The following FRRS1L variants were observed in gnomAD, a reference collection of about 807,000 sequenced individuals.
The protein encoded by FRRS1L is ferric chelate reductase 1 like.
A neutral mutation model predicts 28.6 loss-of-function variants in FRRS1L; 22 were observed. The ratio of observed to expected loss-of-function variants is 0.77; its 90% CI spans 0.55 to 1.10. The LOEUF (loss-of-function observed/expected upper bound fraction) is 1.10, where lower values mean the gene tolerates loss of function less well. Ranked by LOEUF, FRRS1L falls within the 50% of genes least tolerant of loss-of-function variation. FRRS1L has a pLI of 0.00. For synonymous variants in FRRS1L, 158 were observed against 151.4 expected, an observed-to-expected ratio of 1.04 and a Z score of -0.32; for missense variants, 380 against 386.9, an observed-to-expected ratio of 0.98 and a Z score of 0.15.
chr9:109,164,843 A>G (rs1831526957), intron 1 of FRRS1L, among the ~76,000 whole-genome samples: 2 of 152,190 alleles, frequency 1.3e-5, no homozygotes, highest in African/African-American at 4.8e-5. Context: ...TGATCACCTC[A>G]CCTAAATGCC....
chr9:109,159,895 G>C (rs369031300), intron 1 of FRRS1L, among the ~76,000 whole-genome samples: 6 of 152,130 alleles, frequency 3.9e-5, no homozygotes, highest in African/African-American at 1.4e-4. Flanking sequence ...CTGCCAGCCT[G>C]CATAATCATG....
intron 2 of FRRS1L, 27 bp downstream of exon 2, chr9:109,149,609 A>C (rs1831304749): frequency 6.7e-7 from 1 of 1,494,972 alleles, no homozygotes; most frequent in African/African-American, 1.4e-5. Flanking sequence ...TTAGCCTTAA[A>C]GTTATCCAAC....
intron 1 of FRRS1L, among the ~76,000 whole-genome samples, chr9:109,162,797 A>T (rs1034317051): frequency 1.3e-5 from 2 of 152,230 alleles, no homozygotes; most frequent in African/African-American, 4.8e-5. Context: ...GAAGATGACT[A>T]AACTTCTGCC....
intron 1 of FRRS1L, among the ~76,000 whole-genome samples, chr9:109,164,892 G>A (rs1831527875): frequency 6.6e-6 from 1 of 152,164 alleles, no homozygotes; most frequent in Non-Finnish European, 1.5e-5. Flanking sequence ...CCTACTTCAT[G>A]GCTTGACTCT....
intron 4 of FRRS1L, chr9:109,140,989 T>C (rs1180073504): frequency 1.5e-5 from 4 of 269,230 alleles, no homozygotes; most frequent in Non-Finnish European, 2.2e-5. Flanking sequence ...AGGACAATAA[T>C]ACCTATACCT....
chr9:109,142,005 C>T (rs1165564120), intron 3 of FRRS1L, among the ~76,000 whole-genome samples: 1 of 145,200 alleles, frequency 6.9e-6, no homozygotes, highest in Admixed American at 6.8e-5. Context: ...TACATGACAA[C>T]AAAATGCAGT....
Position 109,133,278 on chromosome 9 carries a change from A to G in FRRS1L, c.*4177T>C, listed in dbSNP as rs1377919071. On this transcript the variant is annotated 3_prime_UTR_variant, in exon 5 of 5. Coordinates refer to ENST00000561981, the MANE Select transcript of FRRS1L (RefSeq NM_014334.4). ...TATTTAAGTCTTGTTTGATCTGTGTATTAAACCTATTAAAAGAACTAAAAT... is the reference window on the plus strand; with the variant it reads ...TATTTAAGTCTTGTTTGATCTGTGTGTTAAACCTATTAAAAGAACTAAAAT... 2.0e-5 allele frequency: 3 copies of G among 152,358 alleles called. No homozygotes were observed. The East Asian group carries it at 5.8e-4, about 29-fold the overall frequency. The allele number at this position is 152,358 out of a possible 1,614,324, so 9.4% of individuals were successfully genotyped here. A position where few individuals can be genotyped will look rare whatever the true frequency, so the allele number is the denominator to read the frequency against.
In FRRS1L at chr9:109,167,004, G is replaced by C. The variant is rs1447297123; in HGVS notation, c.135C>G (p.Arg45=). 1.4e-5 allele frequency: 18 copies of C among 1,249,000 alleles called. No homozygotes were observed. The highest frequency in any genetic ancestry group is 1.7e-5 in the Non-Finnish European group (17 of 995,812). 77.4% of individuals were successfully genotyped at this position (1,249,000 alleles called of 1,614,324 possible). Residue 45 remains arginine, a synonymous_variant, in exon 1 of 5, where the codon CGC becomes CGG. Transcript: ENST00000561981. ...AGPGGRGPRG[R]ARGDTGADEA... ...CGTCGGCGCCCGTGTCCCCCCGCGC[G>C]CGTCCCCGGGGTCCCCGGCCCCCCG...
Position 109,133,839 on chromosome 9 carries a change from G to A in FRRS1L, c.*3616C>T, listed in dbSNP as rs185872626. The A allele has an allele frequency of 2.0e-5, 3 of 152,286 alleles. No individual in the cohort carries two copies. The highest frequency in any genetic ancestry group is 7.2e-5 in the African/African-American group (3 of 41,556). 9.4% of individuals were successfully genotyped at this position (152,286 alleles called of 1,614,324 possible). A position where few individuals can be genotyped will look rare whatever the true frequency, so the allele number is the denominator to read the frequency against. ...GTGACAAGTAGTATATTAGAAAATG[G>A]GAATACAGACATAAAATAGAAGTTG... On this transcript the variant is annotated 3_prime_UTR_variant, in exon 5 of 5. Coordinates refer to ENST00000561981, the MANE Select transcript of FRRS1L (RefSeq NM_014334.4).
intron 1 of FRRS1L, among the ~76,000 whole-genome samples, chr9:109,166,645 CT>C (rs1831553582): frequency 6.6e-6 from 1 of 152,084 alleles, no homozygotes; most frequent in South Asian, 2.1e-4. Context: ...TGGATGACCC[CT>C]CCCTCTCCCA....
intron 3 of FRRS1L, among the ~76,000 whole-genome samples, chr9:109,145,573 G>T (rs557352334): frequency 2.0e-4 from 30 of 152,072 alleles, no homozygotes; most frequent in African/African-American, 7.2e-4. Flanking sequence ...TTGTATTACA[G>T]GTGGGATTAC....
chr9:109,151,008 T>G (rs1306067479), intron 1 of FRRS1L: 1 of 152,232 alleles, frequency 6.6e-6, no homozygotes, highest in Non-Finnish European at 1.5e-5. Flanking sequence ...TAATGCTACT[T>G]TTTTTAAAGT....
At chr9:109,150,660 T>C (rs867780004) in intron 1 of FRRS1L, 9 of 152,180 alleles carry the variant, frequency 5.9e-5, no homozygotes, top group African/African-American at 1.7e-4. Flanking sequence ...TTTAAACACA[T>C]AATTTCTAAC....
At position 109,167,090 on chromosome 9, in the gene FRRS1L, G is replaced by A; in HGVS notation, c.49C>T (p.Leu17=). The change falls in exon 1 of 5, where the codon CTG becomes TTG. Residue 17 remains leucine, a synonymous_variant. Coordinates refer to ENST00000561981, the MANE Select transcript of FRRS1L (RefSeq NM_014334.4). ...GCGGCGGGCCCCGTCAGTAGCAGCA[G>A]GAGCAGCGACGCCCAGACCCCCGGG... The part of the protein sequence containing the change: ...QHPGVWASLL[L]LLLTGPAACA... The A allele has an allele frequency of 2.5e-6, 3 of 1,182,128 alleles. No homozygotes were observed. Among genetic ancestry groups the A allele is most frequent in the Non-Finnish European group, 3.1e-6 (3 of 957,746 alleles). The allele number at this position is 1,182,128 out of a possible 1,614,324, so 73.2% of individuals were successfully genotyped here.
In FRRS1L at chr9:109,137,451, G is replaced by A. The variant is rs1369401596; in HGVS notation, c.*4C>T. 2 of 1,549,590 alleles carry A rather than the reference G, an allele frequency of 1.3e-6. No individual in the cohort carries two copies. Among genetic ancestry groups the A allele is most frequent in the Non-Finnish European group, 8.8e-7 (1 of 1,142,554 alleles). On this transcript the variant is annotated 3_prime_UTR_variant, in exon 5 of 5. Transcript: ENST00000561981. ...CATGTAATCTGTTGGCCCTGCAGCT[G>A]TGGTTAGGGGGTTCCCATCAATAGG...
At position 109,136,512 on chromosome 9, in the gene FRRS1L, A is replaced by G. The variant is rs1464466024; in HGVS notation, c.*943T>C. Reference sequence around the variant, plus strand: ...CTAACTGAGAAGAAATTTCAAATAAATATTATTTATTTAGTTAGTTATTTT... The same window carrying G: ...CTAACTGAGAAGAAATTTCAAATAAGTATTATTTATTTAGTTAGTTATTTT... On this transcript the variant is annotated 3_prime_UTR_variant, in exon 5 of 5. Transcript: ENST00000561981. The G allele has an allele frequency of 6.6e-6, 1 of 151,930 alleles. No homozygotes were observed. The highest frequency in any genetic ancestry group is 2.4e-5 in the African/African-American group (1 of 41,372). 9.4% of individuals were successfully genotyped at this position (151,930 alleles called of 1,614,324 possible).
chr9:109,163,658 C>T (rs910233606), intron 1 of FRRS1L, among the ~76,000 whole-genome samples: 27 of 152,104 alleles, frequency 1.8e-4, no homozygotes, highest in African/African-American at 6.3e-4. Context: ...CAGTGGATTT[C>T]CATTCCCACC....
intron 3 of FRRS1L, among the ~76,000 whole-genome samples, chr9:109,143,248 G>A (rs1831211043): frequency 6.6e-6 from 1 of 152,088 alleles, no homozygotes; most frequent in South Asian, 2.1e-4. Flanking sequence ...CTGAGAGGTG[G>A]AGGCTGCAGT....
intron 1 of FRRS1L, among the ~76,000 whole-genome samples, chr9:109,160,571 A>G (rs1389048753): frequency 6.6e-6 from 1 of 151,734 alleles, no homozygotes; most frequent in African/African-American, 2.4e-5. Context: ...ATCTTTTTGT[A>G]GAGATGGGGT....
Sources: allele counts gnomAD v4.1 joint callset (sites outside exome capture counted in the v4.1 genomes callset), GRCh38; gene constraint gnomAD v4.1.1; transcripts MANE v1.5; gene names NCBI Gene and HGNC (gene_info 2026-07-23, HGNC 2026-07-21).